Variants in HAUS6 observed in about 807,000 individuals in gnomAD.
HAUS6 encodes the protein HAUS augmin-like complex subunit 6.
HAUS6 carries 80 observed loss-of-function variants against 106.8 expected under a neutral mutation model. That is an observed-to-expected ratio of 0.75 (90% confidence interval 0.63 to 0.90). The LOEUF is 0.90. Among genes scored for constraint, HAUS6 ranks in the 40% least tolerant of loss-of-function variants. The pLI, the probability that HAUS6 is intolerant of heterozygous loss-of-function variation, is 0.00. For missense variants in HAUS6, 1,155 were observed against 1,118.1 expected, an observed-to-expected ratio of 1.03 and a Z score of -0.47; for synonymous variants, 356 against 379.1, an observed-to-expected ratio of 0.94 and a Z score of 0.71.
In HAUS6 at chr9:19,058,077, C is replaced by T. The variant is rs763959516; in HGVS notation, c.2690G>A (p.Arg897His). 1.6e-5 allele frequency: 26 copies of T among 1,613,934 alleles called. No individual in the cohort carries two copies. In the East Asian group the frequency reaches 4.0e-4, roughly 25 times the overall value. The part of the protein sequence containing the change: ...LHTEHIKPSL[R>H]TSIGERKRSL... ...CCGTTTTCTTTCACCGATGGACGTG[C>T]GTAAAGATGGCTTTATATGCTCAGT... is the stretch of plus-strand genomic sequence containing the variant. The change falls in exon 16 of 17, where the codon CGC (arginine) becomes CAC (histidine). Residue 897 changes from arginine to histidine, a missense_variant. Physicochemically the swap from Arg to His is conservative, Grantham distance 29. Around this residue, in one of 3 missense-constraint regions of HAUS6, gnomAD observed 380 missense variants for 394.8 expected, o/e 0.96. Transcript: ENST00000380502.
intron 11 of HAUS6, 148 bp from the exon 12 acceptor site, chr9:19,070,448 T>C (rs1274247583): frequency 1.6e-6 from 1 of 610,278 alleles, no homozygotes; most frequent in East Asian, 2.8e-5. Flanking sequence ...AATTATTCAA[T>C]TGATAAGTAT....
chr9:19,062,271 GATA>G (rs1836640638), intron 14 of HAUS6, among the ~76,000 whole-genome samples: 1 of 152,146 alleles, frequency 6.6e-6, no homozygotes, highest in African/African-American at 2.4e-5. Flanking sequence ...TATGCTCAGT[GATA>G]ATGATATGAT....
intron 5 of HAUS6, among the ~76,000 whole-genome samples, chr9:19,087,527 C>G (rs1837325740): frequency 1.3e-5 from 2 of 152,144 alleles, no homozygotes; most frequent in African/African-American, 4.8e-5. Context: ...AAGCATTCTA[C>G]AAAGTTATCC....
Position 19,054,197 on chromosome 9 carries a change from A to T in HAUS6, c.*2146T>A, listed in dbSNP as rs1836420983. The T allele has an allele frequency of 6.6e-6, 1 of 152,184 alleles. No homozygotes were observed. Among genetic ancestry groups the T allele is most frequent in the South Asian group, 2.1e-4 (1 of 4,824 alleles). The allele number at this position is 152,184 out of a possible 1,614,324, so 9.4% of individuals were successfully genotyped here. On this transcript the variant is annotated 3_prime_UTR_variant, in exon 17 of 17. Transcript: ENST00000380502. Reference sequence around the variant, plus strand: ...ACCTCTAAAGACCCATGCTCACTGAAGCATTTCAGTAAAAAAATGGGAGAT... The same window carrying T: ...ACCTCTAAAGACCCATGCTCACTGATGCATTTCAGTAAAAAAATGGGAGAT...
Position 19,053,448 on chromosome 9 carries a change from G to A in HAUS6, c.*2895C>T, listed in dbSNP as rs1564003519. The A allele has an allele frequency of 6.6e-6, 1 of 152,102 alleles. No homozygotes were observed. Among genetic ancestry groups the A allele is most frequent in the African/African-American group, 2.4e-5 (1 of 41,428 alleles). 9.4% of individuals were successfully genotyped at this position (152,102 alleles called of 1,614,324 possible). ...TCCTTTAGATAAATTTGACTTCATA[G>A]TCAAGAGTCTCATGGTAAAGAAAAG... On this transcript the variant is annotated 3_prime_UTR_variant, in exon 17 of 17. Transcript: ENST00000380502.
chr9:19,053,908 G>A lies in HAUS6; in HGVS notation c.*2435C>T, dbSNP rs1408741123. On this transcript the variant is annotated 3_prime_UTR_variant, in exon 17 of 17. Coordinates refer to ENST00000380502, the MANE Select transcript of HAUS6 (RefSeq NM_017645.5). ...CATAGGTGTATATGTATTTATGCAT[G>A]TATGTGTATATTGCTATAACTAGAA... 2 of 152,024 alleles carry A rather than the reference G, an allele frequency of 1.3e-5. No individual in the cohort carries two copies. Among genetic ancestry groups the A allele is most frequent in the African/African-American group, 2.4e-5 (1 of 41,402 alleles). The allele number at this position is 152,024 out of a possible 1,614,324, so 9.4% of individuals were successfully genotyped here. A position where few individuals can be genotyped will look rare whatever the true frequency, so the allele number is the denominator to read the frequency against.
intron 9 of HAUS6, among the ~76,000 whole-genome samples, chr9:19,079,586 T>C (rs1837091683): frequency 6.6e-6 from 1 of 152,080 alleles, no homozygotes; most frequent in African/African-American, 2.4e-5. Flanking sequence ...GAGTAGAACT[T>C]TCACTCCCAC....
intron 12 of HAUS6, among the ~76,000 whole-genome samples, chr9:19,064,325 T>C (rs926237956): frequency 6.6e-6 from 1 of 152,250 alleles, no homozygotes; most frequent in African/African-American, 2.4e-5. Flanking sequence ...ATTTCTCATA[T>C]GCTAAATTTT....
At chr9:19,061,840 A>G (rs1429120267) in intron 14 of HAUS6, among the ~76,000 whole-genome samples, 1 of 152,186 alleles carries the variant, frequency 6.6e-6, no homozygotes, top group African/African-American at 2.4e-5. Flanking sequence ...GTCTTAAAAG[A>G]AAAAAGAAAA....
At chr9:19,077,187 G>T (rs924525912) in intron 10 of HAUS6, among the ~76,000 whole-genome samples, 1 of 152,106 alleles carries the variant, frequency 6.6e-6, no homozygotes, top group Non-Finnish European at 1.5e-5. Flanking sequence ...GGAGCAAGGG[G>T]GATTACTTAG....
At chr9:19,080,116 G>A (rs1260563972) in intron 9 of HAUS6, among the ~76,000 whole-genome samples, 1 of 142,924 alleles carries the variant, frequency 7.0e-6, no homozygotes, top group African/African-American at 2.6e-5. Context: ...AGGGGTTGTG[G>A]TGAGCCAAGA....
intron 9 of HAUS6, among the ~76,000 whole-genome samples, chr9:19,079,281 G>T (rs567506540): frequency 3.3e-5 from 5 of 149,918 alleles, no homozygotes; most frequent in African/African-American, 1.2e-4. Flanking sequence ...CAGGCTGGAG[G>T]AGTGCAATGG....
At chr9:19,084,245 G>T (rs1226867914) in intron 7 of HAUS6, among the ~76,000 whole-genome samples, 2 of 152,110 alleles carry the variant, frequency 1.3e-5, no homozygotes, top group African/African-American at 4.8e-5. Context: ...AAACAATGTT[G>T]AGCCAAAGTC....
intron 11 of HAUS6, among the ~76,000 whole-genome samples, chr9:19,074,615 C>T (rs1235483694): frequency 1.3e-5 from 2 of 152,066 alleles, no homozygotes; most frequent in South Asian, 2.1e-4. Context: ...TGCACCTAAA[C>T]TGAGCCTTGC....
chr9:19,063,341 A>G, intron 13 of HAUS6, 148 bp from the exon 14 acceptor site: 1 of 669,016 alleles, frequency 1.5e-6, no homozygotes, highest in Non-Finnish European at 2.5e-6. Context: ...GAATTAACTA[A>G]TTCCAATATT....
intron 1 of HAUS6, among the ~76,000 whole-genome samples, chr9:19,098,473 T>C (rs1218180883): frequency 6.6e-6 from 1 of 151,804 alleles, no homozygotes; most frequent in Non-Finnish European, 1.5e-5. Context: ...AGGGAAAATT[T>C]ATATCTATTC....
rs201053056 is a variant in HAUS6 at position 19,058,228 on chromosome 9, T to C, written c.2539A>G (p.Lys847Glu). 1.9e-6 allele frequency: 3 copies of C among 1,613,922 alleles called. No individual in the cohort carries two copies. Among genetic ancestry groups the C allele is most frequent in the East Asian group, 4.5e-5 (2 of 44,880 alleles). ...YEALKKSLSK[K>E]REESYLSNSQ... ...TTCGAGAGGTAAGATTCTTCCCTTT[T>C]CTTGGAAAGAGATTTCTTCAGAGCC... Residue 847 changes from lysine to glutamate, a missense_variant, in exon 16 of 17, where the codon AAA becomes GAA. Coordinates refer to ENST00000380502, the MANE Select transcript of HAUS6 (RefSeq NM_017645.5).
intron 14 of HAUS6, among the ~76,000 whole-genome samples, chr9:19,061,141 G>A (rs1836608367): frequency 6.6e-6 from 1 of 152,204 alleles, no homozygotes; most frequent in Non-Finnish European, 1.5e-5. Context: ...CCCAGCCTGG[G>A]CAACAAGTGC....
At chr9:19,094,892 T>C (rs1564021521) in intron 2 of HAUS6, among the ~76,000 whole-genome samples, 1 of 152,040 alleles carries the variant, frequency 6.6e-6, no homozygotes, top group African/African-American at 2.4e-5. Flanking sequence ...TAAACATCTA[T>C]AGGGTTGAGT....
Sources: allele counts gnomAD v4.1 joint callset (sites outside exome capture counted in the v4.1 genomes callset), GRCh38; gene constraint gnomAD v4.1.1; regional missense constraint gnomAD v4.1.1; transcripts MANE v1.5; gene names NCBI Gene and HGNC (gene_info 2026-07-23, HGNC 2026-07-21).